TEKT3: variants seen among roughly 807,000 people sequenced by gnomAD.
The protein encoded by TEKT3 is tektin-3.
In TEKT3, 49 loss-of-function variants were observed where a neutral mutation model predicts 49.8. The observed-to-expected ratio is 0.98, with a 90% CI of 0.78 to 1.25. TEKT3 has a LOEUF of 1.25. Among genes scored for constraint, TEKT3 ranks in the 50% most tolerant of loss-of-function variants. TEKT3 has a pLI of 0.00. For synonymous variants in TEKT3, 225 were observed against 237.2 expected, an observed-to-expected ratio of 0.95 and a Z score of 0.47; for missense variants, 595 against 629.5, an observed-to-expected ratio of 0.95 and a Z score of 0.59.
intron 8 of TEKT3, among the ~76,000 whole-genome samples, chr17:15,307,257 A>T (rs138353533): frequency 1.6e-3 from 246 of 152,346 alleles, no homozygotes; most frequent in African/African-American, 5.7e-3. Context: ...GGTACCTGAC[A>T]GGGGGATGGT....
intron 4 of TEKT3, among the ~76,000 whole-genome samples, chr17:15,325,704 G>A (rs565185922): frequency 6.6e-6 from 1 of 152,280 alleles, no homozygotes; most frequent in South Asian, 2.1e-4. Context: ...GTGTGTTTGT[G>A]GGCAAGGTGA....
chr17:15,341,074 C>G (rs74689455), intron 1 of TEKT3, among the ~76,000 whole-genome samples: 32 of 152,246 alleles, frequency 2.1e-4, no homozygotes, highest in African/African-American at 7.7e-4. Flanking sequence ...GCTCGGTCTA[C>G]AAGACCAGGT....
upstream of TEKT3, among the ~76,000 whole-genome samples, chr17:15,343,525 G>C (rs188946158): frequency 8.8e-4 from 134 of 152,284 alleles, no homozygotes; most frequent in African/African-American, 3.0e-3. Flanking sequence ...TTTCTCAGCA[G>C]CTCCACAAGT....
rs757953696 is a variant in TEKT3 at position 15,314,201 on chromosome 17, T to A, written c.764A>T (p.Glu255Val). Residue 255 changes from glutamate to valine, a missense_variant, in exon 6 of 9, where the codon GAA becomes GTA. Transcript: ENST00000395930. The part of the protein sequence containing the change: ...AANRASQHEL[E>V]KDLSDKQTAY... ...CGTCTGTTTGTCACTCAGGTCCTTTTCCAGCTCATGCTGGGACGCTCTGTT... is the reference window on the plus strand; with the variant it reads ...CGTCTGTTTGTCACTCAGGTCCTTTACCAGCTCATGCTGGGACGCTCTGTT... 2.5e-6 allele frequency: 4 copies of A among 1,614,178 alleles called. No homozygotes were observed. The Admixed American group carries it at 6.7e-5, about 27-fold the overall frequency.
intron 2 of TEKT3, among the ~76,000 whole-genome samples, chr17:15,338,752 G>A (rs932738377): frequency 2.1e-5 from 3 of 143,966 alleles, no homozygotes; most frequent in Non-Finnish European, 3.0e-5. Context: ...TCCTGAACTC[G>A]TGATCTGCCA....
chr17:15,304,781 A>C lies in TEKT3; in HGVS notation c.1257-629T>G, dbSNP rs776846853. Among the ~76,000 whole-genome samples, 3 of 152,006 alleles carry C rather than the reference A, an allele frequency of 2.0e-5. No homozygotes were observed. Among genetic ancestry groups the C allele is most frequent in the Non-Finnish European group, 4.4e-5 (3 of 67,988 alleles). Reference sequence around the variant, plus strand: ...CAATTTCTCAGACCTCGAGGGCTTCACTCTTGCTGTCCCCTAAGCTCAGAA... The same window carrying C: ...CAATTTCTCAGACCTCGAGGGCTTCCCTCTTGCTGTCCCCTAAGCTCAGAA... On this transcript the variant is annotated intron_variant, in intron 8 of 8. Coordinates refer to ENST00000395930, the MANE Select transcript of TEKT3 (RefSeq NM_031898.3). The surrounding 1 kb of genome is among the most constrained non-coding windows in gnomAD (Gnocchi z 4.7).
At chr17:15,310,120 T>C (rs759548065) in intron 7 of TEKT3, among the ~76,000 whole-genome samples, 1 of 152,258 alleles carries the variant, frequency 6.6e-6, no homozygotes, top group Non-Finnish European at 1.5e-5. Context: ...ATGTGCTCCA[T>C]GAAACCATCT....
At position 15,303,961 on chromosome 17, in the gene TEKT3, G is replaced by A. The variant is rs1327479673; in HGVS notation, c.1448C>T (p.Thr483Ile). Residue 483 changes from threonine to isoleucine, a missense_variant, in exon 9 of 9, where the codon ACC (threonine) becomes ATC (isoleucine). By Grantham distance (89) the Thr-to-Ile change is moderately conservative. Coordinates refer to ENST00000395930, the MANE Select transcript of TEKT3 (RefSeq NM_031898.3). ...CMSMRKSYPN[T>I]LRLVGFC ...CTAGCAGAAGCCGACCAGCCGGAGG[G>A]TGTTGGGGTAGCTCTTGCGCATGCT... 1.2e-6 allele frequency: 2 copies of A among 1,614,084 alleles called. No homozygotes were observed. Among genetic ancestry groups the A allele is most frequent in the Non-Finnish European group, 1.7e-6 (2 of 1,180,024 alleles).
At chr17:15,337,766 G>T (rs1453106796) in intron 2 of TEKT3, among the ~76,000 whole-genome samples, 6 of 152,112 alleles carry the variant, frequency 3.9e-5, no homozygotes, top group African/African-American at 1.4e-4. Context: ...GCTTGAACCT[G>T]GGAGGCGGAG....
At chr17:15,306,924 C>T (rs1433104901) in intron 8 of TEKT3, 1 of 152,186 alleles carries the variant, frequency 6.6e-6, no homozygotes, top group Non-Finnish European at 1.5e-5. Context: ...GAGTGGAGAG[C>T]TGCTTATCCT....
chr17:15,336,393 A>C (rs1253886820), intron 2 of TEKT3, among the ~76,000 whole-genome samples: 1 of 152,210 alleles, frequency 6.6e-6, no homozygotes, highest in Non-Finnish European at 1.5e-5. Context: ...AAGGTGAAAT[A>C]AAATCTTTTC....
rs527859443 is a variant in TEKT3, at chr17:15,314,245, C to T, written c.735-15G>A. On this transcript the variant is annotated splice_polypyrimidine_tract_variant and intron_variant, in intron 5 of 8. Coordinates refer to ENST00000395930, the MANE Select transcript of TEKT3 (RefSeq NM_031898.3). ...CTCTGTTGGCTCTGCAATACAGAGT[C>T]GGGAAGTGGAGCTTCACACTCAGGT... 3.7e-6 allele frequency: 6 copies of T among 1,613,794 alleles called. No homozygotes were observed. The African/African-American group carries it at 4.0e-5, about 11-fold the overall frequency.
chr17:15,314,484 G>A lies in TEKT3; in HGVS notation c.735-254C>T, dbSNP rs576742706. Among the ~76,000 whole-genome samples, 4 of 152,292 alleles carry A rather than the reference G, an allele frequency of 2.6e-5. No homozygotes were observed. In the East Asian group the frequency reaches 7.7e-4, roughly 29 times the overall value. On this transcript the variant is annotated intron_variant, in intron 5 of 8. Transcript: ENST00000395930. ...GGTGGGATGGAAGTGGGTAGAGCAGGTGAAGATAAACAGGGGTCCAGGATC... is the reference window on the plus strand; with the variant it reads ...GGTGGGATGGAAGTGGGTAGAGCAGATGAAGATAAACAGGGGTCCAGGATC...
intron 8 of TEKT3, among the ~76,000 whole-genome samples, chr17:15,306,012 C>CT (rs1203870293): frequency 4.7e-5 from 7 of 150,020 alleles, no homozygotes; most frequent in South Asian, 2.1e-4. Flanking sequence ...TTTCTTTCTT[C>CT]TTTTTTTTGG....
chr17:15,305,391 T>C (rs192655751), intron 8 of TEKT3, among the ~76,000 whole-genome samples: 2 of 152,304 alleles, frequency 1.3e-5, no homozygotes, highest in East Asian at 3.9e-4. Context: ...AAAGTTTAAG[T>C]GCCAAAGTTT....
chr17:15,323,954 T>A (rs1338825332), intron 4 of TEKT3, among the ~76,000 whole-genome samples: 1 of 152,204 alleles, frequency 6.6e-6, no homozygotes, highest in African/African-American at 2.4e-5. Context: ...ATAGACCATA[T>A]AATTCACTTG....
Position 15,304,118 on chromosome 17 carries a change from T to C in TEKT3, c.1291A>G (p.Ile431Val). ...VNEVHEVDDTIQTLQQRLRDA... is the reference protein window; with the variant it reads ...VNEVHEVDDTVQTLQQRLRDA... ...CTCAGGCGCTGCTGCAGGGTCTGGA[T>C]GGTGTCGTCAACCTCGTGTACCTCG... Residue 431 changes from isoleucine to valine, a missense_variant, in exon 9 of 9, where the codon ATC becomes GTC. Ile to Val is a conservative substitution (Grantham distance 29). Coordinates refer to ENST00000395930, the MANE Select transcript of TEKT3 (RefSeq NM_031898.3). This position sits in a 1 kb window ranked among gnomAD's most constrained non-coding sequence, Gnocchi z 4.7. 2 of 1,614,152 alleles carry C rather than the reference T, an allele frequency of 1.2e-6. No individual in the cohort carries two copies. The highest frequency in any genetic ancestry group is 1.7e-6 in the Non-Finnish European group (2 of 1,180,024).
At chr17:15,307,918 C>T (rs117651072) in intron 8 of TEKT3, among the ~76,000 whole-genome samples, 4,535 of 152,160 alleles carry the variant, frequency 0.03, 124 homozygotes, top group Non-Finnish European at 0.04. Flanking sequence ...GGAATCTTGG[C>T]CAGTTCATTA....
At chr17:15,311,112 C>A (rs2150735113) in intron 7 of TEKT3, 1 of 152,316 alleles carries the variant, frequency 6.6e-6, no homozygotes, top group Admixed American at 6.5e-5. Flanking sequence ...GCAAGTATTT[C>A]TTCTCTGTAA....
Sources: gnomAD v4.1 joint callset for allele counts (sites outside exome capture counted in the v4.1 genomes callset) on GRCh38, gnomAD v4.1.1 for gene constraint, Gnocchi (gnomAD v3.1) non-coding constraint, MANE v1.5 for transcripts, NCBI Gene and HGNC (gene_info 2026-07-23, HGNC 2026-07-21) for gene names.